Variants in CDK17 observed in about 807,000 individuals in gnomAD.
CDK17 encodes cyclin-dependent kinase 17.
Under a neutral mutation model 77.6 loss-of-function variants are expected in CDK17, and 24 were observed. The observed-to-expected ratio is 0.31, with a 90% CI of 0.22 to 0.44. The LOEUF is 0.44. Among genes scored for constraint, CDK17 ranks in the 20% least tolerant of loss-of-function variants. CDK17 has a pLI of 1.00. For missense variants in CDK17, 429 were observed against 622.5 expected, an observed-to-expected ratio of 0.69 and a Z score of 3.31; for synonymous variants, 203 against 210.4, an observed-to-expected ratio of 0.96 and a Z score of 0.30.
At chr12:96,283,693 A>G in intron 13 of CDK17, 48 bp from the exon 14 acceptor site, 2 of 1,231,590 alleles carry the variant, frequency 1.6e-6, no homozygotes, top group Non-Finnish European at 2.3e-6. Flanking sequence ...CTTAGCTGAT[A>G]AAACTTTTCA....
intron 1 of CDK17, among the ~76,000 whole-genome samples, chr12:96,348,905 T>C (rs1953269301): frequency 6.6e-6 from 1 of 152,072 alleles, no homozygotes; most frequent in African/African-American, 2.4e-5. Context: ...AACAACCTAT[T>C]CCTAAACAAC....
intron 1 of CDK17, among the ~76,000 whole-genome samples, chr12:96,398,601 C>T (rs1466508839): frequency 2.0e-5 from 3 of 152,208 alleles, no homozygotes; most frequent in Non-Finnish European, 4.4e-5. Flanking sequence ...GATCTTCTCA[C>T]ACGAACGCCT....
intron 1 of CDK17, among the ~76,000 whole-genome samples, chr12:96,381,803 A>G (rs1333196640): frequency 6.6e-6 from 1 of 152,022 alleles, no homozygotes; most frequent in African/African-American, 2.4e-5. Flanking sequence ...GATAAAAACC[A>G]AATATCAGAA....
chr12:96,292,437 C>T (rs1952338184), intron 10 of CDK17, among the ~76,000 whole-genome samples: 1 of 152,072 alleles, frequency 6.6e-6, no homozygotes, highest in Non-Finnish European at 1.5e-5. Context: ...GAAACCCCAT[C>T]TCTACTAAAA....
intron 1 of CDK17, among the ~76,000 whole-genome samples, chr12:96,385,504 CA>C (rs1156853852): frequency 6.6e-6 from 1 of 151,592 alleles, no homozygotes; most frequent in Admixed American, 6.6e-5. Flanking sequence ...TGCCCTGAAT[CA>C]AAAATAAAAG....
rs1482049116 is a variant in CDK17, at chr12:96,368,812, G to T, written c.-30+31174C>A. Among the ~76,000 whole-genome samples the T allele has an allele frequency of 4.2e-3, 57 of 13,630 alleles. 5 individuals carry two copies. Among genetic ancestry groups the T allele is most frequent in the African/African-American group, 6.1e-3 (32 of 5,260 alleles). The allele number at this position is 13,630 out of a possible 152,430, so 8.9% of individuals were successfully genotyped here. ...GAAAGAAGCTACTCTAAGACGGGGG[G>T]GGGGGGGGGGGGCACAATGAATAAG... On this transcript the variant is annotated intron_variant, in intron 1 of 16. Coordinates refer to ENST00000261211, the MANE Select transcript of CDK17 (RefSeq NM_002595.5).
At chr12:96,353,605 C>CGGGGGGGG (rs11369777) in intron 1 of CDK17, among the ~76,000 whole-genome samples, 17 of 140,906 alleles carry the variant, frequency 1.2e-4, no homozygotes, top group Admixed American at 9.3e-4. Flanking sequence ...TAAAAGGTGG[C>CGGGGGGGG]GGGGGGGGGC....
chr12:96,312,702 G>A (rs752833865), intron 4 of CDK17, among the ~76,000 whole-genome samples: 4 of 151,950 alleles, frequency 2.6e-5, no homozygotes, highest in Admixed American at 6.6e-5. Context: ...TTTACAGTAC[G>A]TACTGAAATA....
chr12:96,323,284 AC>A (rs1371983474), intron 3 of CDK17, among the ~76,000 whole-genome samples: 10 of 96,004 alleles, frequency 1.0e-4, no homozygotes, highest in African/African-American at 1.6e-4. Flanking sequence ...AAAAAAAAAA[AC>A]AAAAACAAAC....
chr12:96,280,129 C>T lies in CDK17; in HGVS notation c.*113G>A. The T allele has an allele frequency of 9.8e-7, 1 of 1,016,072 alleles. No individual in the cohort carries two copies. The highest frequency in any genetic ancestry group is 1.4e-6 in the Non-Finnish European group (1 of 702,500). 62.9% of individuals were successfully genotyped at this position (1,016,072 alleles called of 1,614,324 possible). A position where few individuals can be genotyped will look rare whatever the true frequency, so the allele number is the denominator to read the frequency against. ...TAAAAAGACTCCACTGTGAAGAGGA[C>T]AGTGTAGACAAACGGAGATTCCAAG... On this transcript the variant is annotated 3_prime_UTR_variant, in exon 17 of 17. Coordinates refer to ENST00000261211, the MANE Select transcript of CDK17 (RefSeq NM_002595.5).
chr12:96,400,081 G>T lies in CDK17; in HGVS notation c.-125C>A. 1 of 390,590 alleles carries T rather than the reference G, an allele frequency of 2.6e-6. No homozygotes were observed. Among genetic ancestry groups the T allele is most frequent in the Non-Finnish European group, 4.5e-6 (1 of 221,014 alleles). 24.2% of individuals were successfully genotyped at this position (390,590 alleles called of 1,614,324 possible). A position where few individuals can be genotyped will look rare whatever the true frequency, so the allele number is the denominator to read the frequency against. On this transcript the variant is annotated 5_prime_UTR_variant, in exon 1 of 17. Coordinates refer to ENST00000261211, the MANE Select transcript of CDK17 (RefSeq NM_002595.5). Reference sequence around the variant, plus strand: ...GCCCGCGGCGACCGGATGCAAGTCCGGGTCTCAGCGGCCGGCAGACGTGAG... The same window carrying T: ...GCCCGCGGCGACCGGATGCAAGTCCTGGTCTCAGCGGCCGGCAGACGTGAG...
intron 1 of CDK17, among the ~76,000 whole-genome samples, chr12:96,367,933 A>C (rs1407979647): frequency 1.3e-5 from 2 of 152,276 alleles, no homozygotes; most frequent in East Asian, 1.9e-4. Context: ...TTACCAAAAG[A>C]AAGCATGCAT....
At chr12:96,299,300 C>T (rs1032083265) in intron 6 of CDK17, among the ~76,000 whole-genome samples, 15 of 151,888 alleles carry the variant, frequency 9.9e-5, no homozygotes, top group African/African-American at 3.6e-4. Context: ...AGGTGCTTTA[C>T]CTGCAATGGT....
chr12:96,349,031 T>C (rs931869354), intron 1 of CDK17, among the ~76,000 whole-genome samples: 1 of 152,180 alleles, frequency 6.6e-6, no homozygotes, highest in Admixed American at 6.5e-5. Flanking sequence ...TTTATAAATA[T>C]AGATGCAAAA....
chr12:96,283,587 G>GT lies in CDK17; in HGVS notation c.1365+15dup, dbSNP rs779202306. On this transcript the variant is annotated intron_variant, in intron 14 of 16. Transcript: ENST00000261211. The stretch of plus-strand genomic sequence containing the variant: ...CTTAACAACCTATTTAACAATTACT[G>GT]TAAGAACTGACTTACCTGAAGAAAT... The GT allele has an allele frequency of 7.8e-6, 12 of 1,534,794 alleles. No homozygotes were observed. Among genetic ancestry groups the GT allele is most frequent in the Middle Eastern group, 3.4e-4 (2 of 5,914 alleles).
At chr12:96,345,390 G>A (rs111805803) in intron 1 of CDK17, among the ~76,000 whole-genome samples, 7,878 of 152,234 alleles carry the variant, frequency 0.052, 268 homozygotes, top group Non-Finnish European at 0.064. Flanking sequence ...CTAAATCTTT[G>A]AGGAATCGCC....
intron 2 of CDK17, among the ~76,000 whole-genome samples, chr12:96,329,639 C>T (rs983434926): frequency 2.0e-5 from 3 of 152,166 alleles, no homozygotes; most frequent in African/African-American, 7.2e-5. Context: ...GTCAACCTTT[C>T]AAGGAACTTG....
chr12:96,332,171 G>T (rs145793855), intron 2 of CDK17, among the ~76,000 whole-genome samples: 2 of 152,282 alleles, frequency 1.3e-5, no homozygotes, highest in African/African-American at 4.8e-5. Flanking sequence ...TAGCCTATAA[G>T]TAACAGGTTG....
chr12:96,370,973 C>T (rs1953682129), intron 1 of CDK17, among the ~76,000 whole-genome samples: 1 of 152,036 alleles, frequency 6.6e-6, no homozygotes, highest in South Asian at 2.1e-4. Context: ...CTCAACCAAC[C>T]CTCAGATCTG....
Sources: allele counts gnomAD v4.1 joint callset (sites outside exome capture counted in the v4.1 genomes callset), GRCh38; gene constraint gnomAD v4.1.1; transcripts MANE v1.5; gene names NCBI Gene and HGNC (gene_info 2026-07-23, HGNC 2026-07-21).